The following URB1 variants were observed in gnomAD, a reference collection of about 807,000 sequenced individuals.
The protein encoded by URB1 is nucleolar pre-ribosomal-associated protein 1.
Under a neutral mutation model 242.3 loss-of-function variants are expected in URB1, and 197 were observed. That is an observed-to-expected ratio of 0.81 (90% confidence interval 0.72 to 0.91). The LOEUF is 0.91. Ranked by LOEUF, URB1 falls within the 40% of genes least tolerant of loss-of-function variation. The pLI, the probability that URB1 is intolerant of heterozygous loss-of-function variation, is 0.00. For missense variants in URB1, 2,721 were observed against 2,860.5 expected, an observed-to-expected ratio of 0.95 and a Z score of 1.11; for synonymous variants, 1,153 against 1,201.8, an observed-to-expected ratio of 0.96 and a Z score of 0.84.
rs755591006 is a variant in URB1, at chr21:32,311,421, C to G, written c.*3497G>C. 9.9e-6 allele frequency: 3 copies of G among 302,832 alleles called. No homozygotes were observed. Among genetic ancestry groups the G allele is most frequent in the Non-Finnish European group, 1.8e-5 (3 of 163,696 alleles). 18.8% of individuals were successfully genotyped at this position (302,832 alleles called of 1,614,324 possible). Reference sequence around the variant, plus strand: ...CTGCTCCCCTCCACCCCCCACCCCCCCCATCCTAAATCAATGTAGGAAGAA... The same window carrying G: ...CTGCTCCCCTCCACCCCCCACCCCCGCCATCCTAAATCAATGTAGGAAGAA... On this transcript the variant is annotated 3_prime_UTR_variant, in exon 39 of 39. Transcript: ENST00000382751.
At chr21:32,345,234 A>G in intron 23 of URB1, 140 bp downstream of exon 23, 1 of 939,166 alleles carries the variant, frequency 1.1e-6, no homozygotes, top group Non-Finnish European at 1.6e-6. Flanking sequence ...GATGGCTGGA[A>G]GTAGAGTTCT....
intron 5 of URB1, 64 bp downstream of exon 5, chr21:32,378,381 A>C (rs1400856750): frequency 2.8e-6 from 4 of 1,434,372 alleles, no homozygotes; most frequent in Non-Finnish European, 3.8e-6. Context: ...ACTTGGAAGA[A>C]ACGGTTTGCA....
chr21:32,382,682 C>A (rs1271677463), intron 4 of URB1, among the ~76,000 whole-genome samples: 6 of 152,094 alleles, frequency 3.9e-5, no homozygotes, highest in African/African-American at 1.4e-4. Context: ...GGGCTGTTCA[C>A]AGCACTGAAT....
chr21:32,341,350 G>T (rs1026724904), intron 25 of URB1, 116 bp downstream of exon 25: 2 of 1,010,874 alleles, frequency 2.0e-6, no homozygotes, highest in Non-Finnish European at 1.5e-6. Context: ...TAAAAACGAG[G>T]TGACATCGGC....
chr21:32,349,714 G>C (rs2033134958), intron 20 of URB1, among the ~76,000 whole-genome samples: 1 of 152,194 alleles, frequency 6.6e-6, no homozygotes, highest in Admixed American at 6.5e-5. Context: ...AAACTGAAAG[G>C]GACAGGCCCA....
At chr21:32,318,763 T>A (rs1386601395) in intron 36 of URB1, among the ~76,000 whole-genome samples, 1 of 152,124 alleles carries the variant, frequency 6.6e-6, no homozygotes, top group Admixed American at 6.5e-5. Flanking sequence ...ACTGAAACAT[T>A]CCAGAGAATT....
chr21:32,344,447 C>A, intron 24 of URB1, 123 bp downstream of exon 24: 2 of 1,062,424 alleles, frequency 1.9e-6, no homozygotes, highest in South Asian at 3.3e-5. Context: ...CAGACACAGC[C>A]CCTCTCATTT....
intron 5 of URB1, 58 bp from the exon 6 acceptor site, chr21:32,375,541 C>T (rs915157399): frequency 3.1e-5 from 33 of 1,067,878 alleles, no homozygotes; most frequent in South Asian, 7.8e-5. Flanking sequence ...TGAGAATAGA[C>T]GAGAGAATAT....
rs749274547 is a variant in URB1, at chr21:32,341,536, ATAAG to A, written c.4258-16_4258-13del. On this transcript the variant is annotated splice_polypyrimidine_tract_variant and intron_variant, in intron 24 of 38. Coordinates refer to ENST00000382751, the MANE Select transcript of URB1 (RefSeq NM_014825.3). ...TCATTAAGTGCATGCTATGAATAAA[ATAAG>A]TAAGAAAAACACATGAAACATCTCA... 2 of 1,551,000 alleles carry A rather than the reference ATAAG, an allele frequency of 1.3e-6. No individual in the cohort carries two copies. The highest frequency in any genetic ancestry group is 2.4e-5 in the East Asian group (1 of 40,924).
At chr21:32,326,381 T>C (rs1823588995) in intron 30 of URB1, among the ~76,000 whole-genome samples, 1 of 152,220 alleles carries the variant, frequency 6.6e-6, no homozygotes, top group Non-Finnish European at 1.5e-5. Context: ...AGTCCATTGA[T>C]GACATTTTTA....
Position 32,350,684 on chromosome 21 carries a change from A to G in URB1, c.2832+20T>C, listed in dbSNP as rs1008451592. On this transcript the variant is annotated intron_variant, in intron 20 of 38. Coordinates refer to ENST00000382751, the MANE Select transcript of URB1 (RefSeq NM_014825.3). ...GGTGGCAGAGCTCTGAAGCCTGTGG[A>G]GGATGGGGGCAACGCTGACCTGGCC... 11 of 1,547,870 alleles carry G rather than the reference A, an allele frequency of 7.1e-6. No individual in the cohort carries two copies. The highest frequency in any genetic ancestry group is 9.6e-6 in the Non-Finnish European group (11 of 1,144,376).
intron 17 of URB1, 110 bp downstream of exon 17, chr21:32,354,749 G>A (rs538388808): frequency 2.2e-6 from 3 of 1,366,168 alleles, no homozygotes; most frequent in Non-Finnish European, 2.9e-6. Context: ...CAAAGGGACT[G>A]TGTGCACTTG....
At chr21:32,333,639 C>T (rs1011477314) in intron 29 of URB1, among the ~76,000 whole-genome samples, 5 of 152,146 alleles carry the variant, frequency 3.3e-5, no homozygotes, top group African/African-American at 1.2e-4. Flanking sequence ...TAACTTTATA[C>T]AGGAATTTAA....
chr21:32,355,557 C>T lies in URB1; in HGVS notation c.1998G>A (p.Arg666=), dbSNP rs1185018562. ...LTKLLIMKIL[R]DTGVFEHTWK... is the part of the protein sequence containing the mutation. The stretch of plus-strand genomic sequence containing the variant: ...AGGTGTGCTCAAACACCCCCGTGTC[C>T]CGCAGAATCTGCCAGGAAGTAGGCA... The change falls in exon 16 of 39, where the codon CGG becomes CGA. Residue 666 remains arginine, a synonymous_variant. Transcript: ENST00000382751. 6.4e-7 allele frequency: 1 copy of T among 1,551,648 alleles called. No individual in the cohort carries two copies. The highest frequency in any genetic ancestry group is 2.0e-5 in the Admixed American group (1 of 51,000).
chr21:32,348,225 G>C (rs2033116597), intron 21 of URB1, among the ~76,000 whole-genome samples: 1 of 152,232 alleles, frequency 6.6e-6, no homozygotes, highest in Admixed American at 6.5e-5. Flanking sequence ...TCAATCAGCT[G>C]CTGGCTTCTC....
At chr21:32,341,379 C>G (rs773754908) in intron 25 of URB1, 87 bp downstream of exon 25, 1 of 1,338,244 alleles carries the variant, frequency 7.5e-7, no homozygotes, top group East Asian at 2.5e-5. Flanking sequence ...GTGGATTATG[C>G]TAATAACAAG....
chr21:32,334,468 A>C, intron 28 of URB1, 134 bp from the exon 29 acceptor site: 1 of 1,042,140 alleles, frequency 9.6e-7, no homozygotes, highest in African/African-American at 1.6e-5. Context: ...GCGACGTGTT[A>C]TATCACTCAA....
rs75011507 is a variant in URB1 at position 32,332,181 on chromosome 21, C to T, written c.4960+1136G>A. 6.8e-3 allele frequency among the ~76,000 whole-genome samples: 1,032 copies of T among 152,160 alleles called. 13 individuals carry two copies. Among genetic ancestry groups the T allele is most frequent in the African/African-American group, 0.024 (1,000 of 41,502 alleles). ...AGAAAAGTGAGCTCAAAACAGATCA[C>T]GGGCTTAAATTTAAAGAGTAAAACT... On this transcript the variant is annotated intron_variant, in intron 30 of 38. Coordinates refer to ENST00000382751, the MANE Select transcript of URB1 (RefSeq NM_014825.3).
intron 5 of URB1, among the ~76,000 whole-genome samples, chr21:32,377,935 GC>G (rs2033477740): frequency 6.6e-6 from 1 of 152,160 alleles, no homozygotes; most frequent in South Asian, 2.1e-4. Flanking sequence ...AATGCAAGGG[GC>G]CCTGGCAGAT....
Sources: gnomAD v4.1 joint callset for allele counts (sites outside exome capture counted in the v4.1 genomes callset) on GRCh38, gnomAD v4.1.1 for gene constraint, MANE v1.5 for transcripts, NCBI Gene and HGNC (gene_info 2026-07-23, HGNC 2026-07-21) for gene names.